The following PTPRK variants were observed in gnomAD, a reference collection of about 807,000 sequenced individuals.
PTPRK encodes protein tyrosine phosphatase receptor type K, also known as receptor-type tyrosine-protein phosphatase kappa.
In PTPRK, 75 loss-of-function variants were observed where a neutral mutation model predicts 178.0. The observed-to-expected ratio is 0.42, with a 90% CI of 0.35 to 0.51. PTPRK has a LOEUF of 0.51. Ranked by LOEUF, PTPRK falls within the 20% of genes least tolerant of loss-of-function variation. The pLI is 0.02. For synonymous variants in PTPRK, 637 were observed against 620.6 expected (o/e 1.03, Z -0.39); for missense variants, 1,441 against 1,797.8 (o/e 0.80, Z 3.59).
chr6:128,295,690 C>T (rs892966496), intron 3 of PTPRK, among the ~76,000 whole-genome samples: 3 of 151,994 alleles, frequency 2.0e-5, no homozygotes, highest in African/African-American at 4.8e-5. Context: ...CTGGTAAATC[C>T]GGTTCAATAA....
At chr6:128,368,515 G>A (rs531752558) in intron 2 of PTPRK, among the ~76,000 whole-genome samples, 43 of 152,030 alleles carry the variant, frequency 2.8e-4, no homozygotes, top group Admixed American at 1.0e-3. Context: ...TTCCCCCAAT[G>A]AAACTTTATC....
At chr6:128,138,709 C>T (rs1795355330) in intron 7 of PTPRK, among the ~76,000 whole-genome samples, 1 of 152,008 alleles carries the variant, frequency 6.6e-6, no homozygotes, top group Non-Finnish European at 1.5e-5. Context: ...TTCTATCAAT[C>T]ATCTGGGACT....
chr6:127,981,315 A>C, intron 24 of PTPRK, 26 bp from the exon 25 acceptor site: 6 of 1,596,516 alleles, frequency 3.8e-6, no homozygotes, highest in Non-Finnish European at 5.1e-6. Flanking sequence ...AACCCAGGTT[A>C]AAAGACAGTG....
chr6:128,436,084 A>T (rs1164467329), intron 1 of PTPRK, among the ~76,000 whole-genome samples: 3 of 151,936 alleles, frequency 2.0e-5, no homozygotes, highest in Non-Finnish European at 2.9e-5. Flanking sequence ...TATGAAAAAA[A>T]TCAATCCCTT....
chr6:128,383,473 G>A (rs1838242790), intron 2 of PTPRK, among the ~76,000 whole-genome samples: 1 of 152,006 alleles, frequency 6.6e-6, no homozygotes, highest in Non-Finnish European at 1.5e-5. Context: ...ATAGTATAGT[G>A]CATTAACAAC....
chr6:128,387,062 T>C (rs576485968), intron 2 of PTPRK, among the ~76,000 whole-genome samples: 1 of 152,268 alleles, frequency 6.6e-6, no homozygotes, highest in East Asian at 1.9e-4. Context: ...AGCGAGACTC[T>C]GTCTAAATAA....
At chr6:128,269,258 T>C (rs185444308) in intron 3 of PTPRK, among the ~76,000 whole-genome samples, 19 of 152,026 alleles carry the variant, frequency 1.2e-4, no homozygotes, top group Non-Finnish European at 2.6e-4. Context: ...CAAGAGAAGA[T>C]AAATTCTCTT....
intron 13 of PTPRK, among the ~76,000 whole-genome samples, chr6:128,057,252 G>A (rs184083934): frequency 7.2e-5 from 11 of 152,204 alleles, no homozygotes; most frequent in African/African-American, 1.9e-4. Context: ...TGAGACACTT[G>A]ATATAGATAT....
intron 2 of PTPRK, among the ~76,000 whole-genome samples, chr6:128,360,531 CAT>C (rs1834586126): frequency 6.6e-6 from 1 of 152,072 alleles, no homozygotes; most frequent in Non-Finnish European, 1.5e-5. Flanking sequence ...ATTTGAGAAA[CAT>C]ATAAAGAGTA....
At chr6:128,232,385 A>T (rs1414835146) in intron 5 of PTPRK, among the ~76,000 whole-genome samples, 1 of 152,194 alleles carries the variant, frequency 6.6e-6, no homozygotes, top group Non-Finnish European at 1.5e-5. Context: ...GTCAGGGCAA[A>T]AAGTATCTTA....
At chr6:128,091,139 C>T (rs1274766857) in intron 7 of PTPRK, among the ~76,000 whole-genome samples, 1 of 152,126 alleles carries the variant, frequency 6.6e-6, no homozygotes, top group African/African-American at 2.4e-5. Flanking sequence ...AATTTAAAAT[C>T]TTAGATTACA....
chr6:128,446,989 G>A (rs1456069960), intron 1 of PTPRK, among the ~76,000 whole-genome samples: 1 of 152,138 alleles, frequency 6.6e-6, no homozygotes, highest in Admixed American at 6.5e-5. Flanking sequence ...ATAATAAAGT[G>A]TAAGCTTCTT....
rs180725706 is a variant in PTPRK, at chr6:128,269,780, G to C, written c.496-27178C>G. On this transcript the variant is annotated intron_variant, in intron 3 of 29. Transcript: ENST00000368226. ...GATTTTAATATGAAAAAAAGGAGGA[G>C]AGAGAGATTGTGATGAAAGTTGAGT... 2.9e-3 allele frequency among the ~76,000 whole-genome samples: 439 copies of C among 152,158 alleles called. 4 individuals carry two copies. Among genetic ancestry groups the C allele is most frequent in the Middle Eastern group, 0.01 (3 of 294 alleles).
At position 128,005,066 on chromosome 6, in the gene PTPRK, T is replaced by A. The variant is rs1324036467; in HGVS notation, c.2494+18A>T. On this transcript the variant is annotated intron_variant, in intron 15 of 29. Coordinates refer to ENST00000368226, the MANE Select transcript of PTPRK (RefSeq NM_002844.4). ...TGAGTTGTAACATCATTTATTAAAA[T>A]TTTAATGAAAAACTTACATCTTGGA... 1 of 1,593,974 alleles carries A rather than the reference T, an allele frequency of 6.3e-7. No homozygotes were observed.
intron 3 of PTPRK, among the ~76,000 whole-genome samples, chr6:128,269,866 T>G (rs1356503076): frequency 6.6e-6 from 1 of 152,130 alleles, no homozygotes; most frequent in Non-Finnish European, 1.5e-5. Flanking sequence ...AATCACTGAT[T>G]AGTCTGTAAA....
intron 7 of PTPRK, among the ~76,000 whole-genome samples, chr6:128,124,148 A>G (rs1792946355): frequency 6.6e-6 from 1 of 151,974 alleles, no homozygotes; most frequent in African/African-American, 2.4e-5. Context: ...GGTTCAAGCA[A>G]TGCTCCTGTG....
chr6:128,184,272 T>C (rs576693546), intron 7 of PTPRK, among the ~76,000 whole-genome samples, 160 bp downstream of exon 7: 59 of 152,224 alleles, frequency 3.9e-4, no homozygotes, highest in Non-Finnish European at 6.8e-4. Context: ...TCAGTCAAAT[T>C]ATGACATAAT....
chr6:128,136,516 G>C (rs1485971657), intron 7 of PTPRK, among the ~76,000 whole-genome samples: 1 of 151,912 alleles, frequency 6.6e-6, no homozygotes, highest in Non-Finnish European at 1.5e-5. Flanking sequence ...GTTGTATAAG[G>C]GTATATTTCT....
intron 1 of PTPRK, among the ~76,000 whole-genome samples, chr6:128,483,471 T>A (rs1032749388): frequency 2.6e-5 from 4 of 152,152 alleles, no homozygotes; most frequent in Non-Finnish European, 5.9e-5. Flanking sequence ...TTCCTTTTCA[T>A]CTTCTTCTCC....
Sources: allele counts gnomAD v4.1 joint callset (sites outside exome capture counted in the v4.1 genomes callset), GRCh38; gene constraint gnomAD v4.1.1; transcripts MANE v1.5; gene names NCBI Gene and HGNC (gene_info 2026-07-23, HGNC 2026-07-21).